Variants in RNF152 observed in about 807,000 individuals in gnomAD.
RNF152 encodes the protein E3 ubiquitin-protein ligase RNF152.
A neutral mutation model predicts 12.7 loss-of-function variants in RNF152; 11 were observed. The ratio of observed to expected loss-of-function variants is 0.86; its 90% CI spans 0.54 to 1.43. The LOEUF (loss-of-function observed/expected upper bound fraction) is 1.43. Among genes scored for constraint, RNF152 ranks in the 40% most tolerant of loss-of-function variants. The probability of loss-of-function intolerance (pLI) is 0.00; values close to 1 mark genes in which losing one functional copy is unlikely to be tolerated. For synonymous variants in RNF152, 113 were observed against 120.3 expected (o/e 0.94, Z 0.40); for missense variants, 255 against 274.8 (o/e 0.93, Z 0.51).
chr18:61,867,098 GCCTGT>G (rs1457652703), intron 1 of RNF152, among the ~76,000 whole-genome samples: 1 of 152,134 alleles, frequency 6.6e-6, no homozygotes, highest in Non-Finnish European at 1.5e-5. Context: ...TAGGAAGAAA[GCCTGT>G]GGCAGATTTT....
chr18:61,881,722 A>G (rs1230009804), intron 1 of RNF152, among the ~76,000 whole-genome samples: 1 of 152,232 alleles, frequency 6.6e-6, no homozygotes, highest in Non-Finnish European at 1.5e-5. Context: ...ATTGCAAACT[A>G]GATTTGCCCC....
chr18:61,863,598 C>CT (rs1911591178), intron 1 of RNF152, among the ~76,000 whole-genome samples: 2 of 152,254 alleles, frequency 1.3e-5, no homozygotes, highest in East Asian at 3.9e-4. Context: ...AAAGCCAAGG[C>CT]TTCAGCTTTT....
At chr18:61,857,402 T>G (rs2144708021) in intron 1 of RNF152, among the ~76,000 whole-genome samples, 1 of 152,322 alleles carries the variant, frequency 6.6e-6, no homozygotes, top group African/African-American at 2.4e-5. Context: ...TATCAAATAT[T>G]TTGCCTTGGA....
chr18:61,847,944 A>G (rs1910809992), intron 1 of RNF152, among the ~76,000 whole-genome samples: 1 of 152,034 alleles, frequency 6.6e-6, no homozygotes, highest in Non-Finnish European at 1.5e-5. Flanking sequence ...ACACATTGCA[A>G]GCTCTCACCA....
intron 1 of RNF152, among the ~76,000 whole-genome samples, chr18:61,884,623 A>G (rs1244904979): frequency 1.3e-5 from 2 of 152,182 alleles, no homozygotes; most frequent in Admixed American, 1.3e-4. Context: ...CAGTGGCACA[A>G]TCTCAGCTCA....
chr18:61,870,121 T>C (rs1195480528), intron 1 of RNF152, among the ~76,000 whole-genome samples: 1 of 152,144 alleles, frequency 6.6e-6, no homozygotes, highest in Admixed American at 6.6e-5. Flanking sequence ...TTTGAAAACA[T>C]GGAAATATTA....
In RNF152 at chr18:61,810,694, C is replaced by T. The variant is rs1912937862; in HGVS notation, c.*5158G>A. On this transcript the variant is annotated 3_prime_UTR_variant, in exon 2 of 2. Coordinates refer to ENST00000312828, the MANE Select transcript of RNF152 (RefSeq NM_173557.3). ...ATAAGTGTCTCATGTTGAACAAAAT[C>T]CAGCAACTGAACATCGTTGCTTTTT... 6.6e-6 allele frequency: 1 copy of T among 152,170 alleles called. No individual in the cohort carries two copies. The highest frequency in any genetic ancestry group is 1.5e-5 in the Non-Finnish European group (1 of 68,026). 9.4% of individuals were successfully genotyped at this position (152,170 alleles called of 1,614,324 possible). A position where few individuals can be genotyped will look rare whatever the true frequency, so the allele number is the denominator to read the frequency against.
intron 1 of RNF152, among the ~76,000 whole-genome samples, chr18:61,847,825 C>T (rs1010608759): frequency 1.3e-5 from 2 of 152,110 alleles, no homozygotes; most frequent in Non-Finnish European, 2.9e-5. Context: ...ACTCTTCCCT[C>T]TGCTTGGAAT....
chr18:61,819,943 C>G (rs1909299862), intron 1 of RNF152, among the ~76,000 whole-genome samples: 1 of 151,042 alleles, frequency 6.6e-6, no homozygotes, highest in South Asian at 2.1e-4. Context: ...ATCACTTAAA[C>G]CCGGGAGGCG....
chr18:61,813,365 C>T lies in RNF152; in HGVS notation c.*2487G>A, dbSNP rs1908912226. On this transcript the variant is annotated 3_prime_UTR_variant, in exon 2 of 2. Coordinates refer to ENST00000312828, the MANE Select transcript of RNF152 (RefSeq NM_173557.3). Reference sequence around the variant, plus strand: ...AAACAGGTACACAAATAACTGCAAGCAGATCCATTTAAACAATTTAAACAA... The same window carrying T: ...AAACAGGTACACAAATAACTGCAAGTAGATCCATTTAAACAATTTAAACAA... 6.6e-6 allele frequency: 1 copy of T among 151,562 alleles called. No individual in the cohort carries two copies. Among genetic ancestry groups the T allele is most frequent in the South Asian group, 2.1e-4 (1 of 4,802 alleles). The allele number at this position is 151,562 out of a possible 1,614,324, so 9.4% of individuals were successfully genotyped here.
intron 1 of RNF152, among the ~76,000 whole-genome samples, chr18:61,856,548 T>A (rs910736734): frequency 2.6e-5 from 4 of 152,184 alleles, no homozygotes; most frequent in African/African-American, 9.7e-5. Context: ...CAGCATCACC[T>A]TCCAGGTCAC....
intron 1 of RNF152, among the ~76,000 whole-genome samples, chr18:61,846,258 T>A (rs917205703): frequency 6.6e-6 from 1 of 152,192 alleles, no homozygotes; most frequent in East Asian, 1.9e-4. Flanking sequence ...CTTTCTTTTT[T>A]AATAAAAAAC....
intron 1 of RNF152, among the ~76,000 whole-genome samples, chr18:61,882,315 A>T (rs1296851139): frequency 6.6e-6 from 1 of 152,260 alleles, no homozygotes; most frequent in Non-Finnish European, 1.5e-5. Context: ...TATTAGATGC[A>T]TTCTGTTTGC....
chr18:61,838,266 G>C (rs1446243740), intron 1 of RNF152, among the ~76,000 whole-genome samples: 1 of 152,182 alleles, frequency 6.6e-6, no homozygotes, highest in Non-Finnish European at 1.5e-5. Flanking sequence ...ATATCCTTCA[G>C]TGAATTGAAT....
chr18:61,822,280 A>G (rs560902775), intron 1 of RNF152, among the ~76,000 whole-genome samples: 2 of 152,332 alleles, frequency 1.3e-5, no homozygotes, highest in East Asian at 3.9e-4. Flanking sequence ...CTCATAAAAC[A>G]GTACATAGTT....
At chr18:61,889,767 G>A (rs1912869189) in intron 1 of RNF152, among the ~76,000 whole-genome samples, 1 of 152,140 alleles carries the variant, frequency 6.6e-6, no homozygotes, top group Non-Finnish European at 1.5e-5. Flanking sequence ...TGCTGCAGGA[G>A]GCCACCTCCT....
rs927395505 is a variant in RNF152, at chr18:61,812,018, G to T, written c.*3834C>A. On this transcript the variant is annotated 3_prime_UTR_variant, in exon 2 of 2. Transcript: ENST00000312828. Reference sequence around the variant, plus strand: ...ATACTTGAGATCACATACTTTTTAAGCCCAGAAAGGAATGTTTTGCCTTTT... The same window carrying T: ...ATACTTGAGATCACATACTTTTTAATCCCAGAAAGGAATGTTTTGCCTTTT... 1.3e-5 allele frequency: 2 copies of T among 152,024 alleles called. No individual in the cohort carries two copies. Among genetic ancestry groups the T allele is most frequent in the African/African-American group, 4.8e-5 (2 of 41,390 alleles). 9.4% of individuals were successfully genotyped at this position (152,024 alleles called of 1,614,324 possible).
rs889597407 is a variant in RNF152, at chr18:61,810,477, C to A, written c.*5375G>T. 6.6e-6 allele frequency: 1 copy of A among 152,194 alleles called. No homozygotes were observed. Among genetic ancestry groups the A allele is most frequent in the African/African-American group, 2.4e-5 (1 of 41,428 alleles). The allele number at this position is 152,194 out of a possible 1,614,324, so 9.4% of individuals were successfully genotyped here. On this transcript the variant is annotated 3_prime_UTR_variant, in exon 2 of 2. Transcript: ENST00000312828. ...CCTGACCAACATGGAGAAACCCCGT[C>A]TCTACTTTAAAAAATACAAAATTAG...
intron 1 of RNF152, among the ~76,000 whole-genome samples, chr18:61,855,099 G>T (rs1222411374): frequency 6.6e-5 from 10 of 152,206 alleles, no homozygotes; most frequent in African/African-American, 1.9e-4. Context: ...GTGCTCTGAA[G>T]CTATTATCTT....
Sources: gnomAD v4.1 joint callset for allele counts (sites outside exome capture counted in the v4.1 genomes callset) on GRCh38, gnomAD v4.1.1 for gene constraint, MANE v1.5 for transcripts, NCBI Gene and HGNC (gene_info 2026-07-23, HGNC 2026-07-21) for gene names.